The following CACNA1E variants were observed in gnomAD, a reference collection of about 807,000 sequenced individuals.
CACNA1E encodes voltage-dependent R-type calcium channel subunit alpha-1E.
In CACNA1E, 40 loss-of-function variants were observed where a neutral mutation model predicts 259.2. The ratio of observed to expected loss-of-function variants is 0.15; its 90% CI spans 0.12 to 0.20. CACNA1E has a LOEUF of 0.20. Ranked by LOEUF, CACNA1E falls within the 10% of genes least tolerant of loss-of-function variation. The pLI is 1.00. For missense variants in CACNA1E, 1,874 were observed against 3,040.1 expected (o/e 0.62, Z 9.02); for synonymous variants, 1,104 against 1,138.5 (o/e 0.97, Z 0.61).
intron 1 of CACNA1E, among the ~76,000 whole-genome samples, chr1:181,387,468 G>A (rs930036691): frequency 2.0e-5 from 3 of 152,160 alleles, no homozygotes; most frequent in Middle Eastern, 3.2e-3. Flanking sequence ...AATGGATTTG[G>A]GGGTAATAGA....
rs1182206565 is a variant in CACNA1E, at chr1:181,678,942, T to C, written c.1055+27501T>C. Among the ~76,000 whole-genome samples the C allele has an allele frequency of 2.0e-5, 3 of 152,238 alleles. No individual in the cohort carries two copies. In the East Asian group the frequency reaches 5.8e-4, roughly 29 times the overall value. On this transcript the variant is annotated intron_variant, in intron 7 of 47. Coordinates refer to ENST00000367573, the MANE Select transcript of CACNA1E (RefSeq NM_001205293.3). ...CCTGTGAAACATGAATTTTCTATTATTCATTTTTATCTTTGAGTTAAGGCT... is the reference window on the plus strand; with the variant it reads ...CCTGTGAAACATGAATTTTCTATTACTCATTTTTATCTTTGAGTTAAGGCT...
At chr1:181,641,714 T>G (rs74996754) in intron 6 of CACNA1E, among the ~76,000 whole-genome samples, 4 of 73,748 alleles carry the variant, frequency 5.4e-5, no homozygotes, top group Admixed American at 1.7e-4. Flanking sequence ...TTTTTTTTTT[T>G]TTTTTTTTTT....
At chr1:181,587,517 A>G (rs1278578642) in intron 6 of CACNA1E, among the ~76,000 whole-genome samples, 1 of 152,222 alleles carries the variant, frequency 6.6e-6, no homozygotes, top group Non-Finnish European at 1.5e-5. Flanking sequence ...TTTGAGCTGG[A>G]TAAAGAGCAA....
chr1:181,567,092 G>C (rs1649915258), intron 3 of CACNA1E, among the ~76,000 whole-genome samples: 1 of 152,270 alleles, frequency 6.6e-6, no homozygotes, highest in East Asian at 1.9e-4. Context: ...TCTTTTGGTG[G>C]AGAAGGAGAA....
intron 3 of CACNA1E, among the ~76,000 whole-genome samples, chr1:181,576,707 G>A (rs904397644): frequency 2.6e-5 from 4 of 152,206 alleles, no homozygotes; most frequent in African/African-American, 9.7e-5. Context: ...GATTATGGGT[G>A]AGAAACTTCC....
chr1:181,331,618 A>T (rs1651269182), intron 1 of CACNA1E, among the ~76,000 whole-genome samples: 1 of 152,186 alleles, frequency 6.6e-6, no homozygotes, highest in African/African-American at 2.4e-5. Flanking sequence ...CTTTGGAAAC[A>T]CCGTTAAGAC....
intron 3 of CACNA1E, among the ~76,000 whole-genome samples, chr1:181,537,328 A>C (rs1572138502): frequency 6.6e-6 from 1 of 151,472 alleles, no homozygotes; most frequent in African/African-American, 2.4e-5. Flanking sequence ...TGAACTCCTA[A>C]CCTCAGGCGA....
At chr1:181,556,483 C>T (rs575375983) in intron 3 of CACNA1E, among the ~76,000 whole-genome samples, 6 of 152,158 alleles carry the variant, frequency 3.9e-5, no homozygotes, top group Non-Finnish European at 5.9e-5. Flanking sequence ...GAGAGGGGCC[C>T]CTGTGGGAGG....
intron 8 of CACNA1E, among the ~76,000 whole-genome samples, chr1:181,714,733 T>C (rs1296457101): frequency 6.6e-6 from 1 of 152,208 alleles, no homozygotes; most frequent in Non-Finnish European, 1.5e-5. Context: ...AAATTCATGA[T>C]TGGCCCAAGC....
At chr1:181,669,745 C>A (rs1348603144) in intron 7 of CACNA1E, among the ~76,000 whole-genome samples, 8 of 152,154 alleles carry the variant, frequency 5.3e-5, no homozygotes, top group African/African-American at 1.7e-4. Context: ...AGAAATTTTC[C>A]TGAGATTTTG....
chr1:181,468,876 T>C (rs75066614), intron 2 of CACNA1E, among the ~76,000 whole-genome samples: 1,588 of 152,228 alleles, frequency 0.01, 23 homozygotes, highest in African/African-American at 0.034. Context: ...TCCTGCTTCA[T>C]TGGAGCAGTA....
intron 32 of CACNA1E, among the ~76,000 whole-genome samples, chr1:181,760,129 T>C (rs898520259): frequency 4.6e-5 from 7 of 152,066 alleles, no homozygotes; most frequent in African/African-American, 1.7e-4. Context: ...CTATGCATGT[T>C]GATTACTTGT....
chr1:181,347,626 C>T lies in CACNA1E; in HGVS notation c.-15+29503C>T, dbSNP rs77281804. On this transcript the variant is annotated intron_variant, in intron 1 of 11. Coordinates refer to the CACNA1E transcript ENST00000524607. The stretch of plus-strand genomic sequence containing the variant: ...ACCCACTCCTCCTCCACCAGTGACT[C>T]GGGGTTTGTTGTGACTCAGGCCTTT... Among the ~76,000 whole-genome samples the T allele has an allele frequency of 5.7e-3, 870 of 152,286 alleles. 27 individuals are homozygous for T. The East Asian group carries it at 0.1, about 18-fold the overall frequency.
At chr1:181,528,149 G>GC (rs1423674097) in intron 3 of CACNA1E, among the ~76,000 whole-genome samples, 6 of 150,884 alleles carry the variant, frequency 4.0e-5, no homozygotes, top group Non-Finnish European at 8.8e-5. Flanking sequence ...GCCCGGGGTG[G>GC]GGGGGGCAGT....
At chr1:181,332,891 G>A (rs1651398608) in intron 1 of CACNA1E, among the ~76,000 whole-genome samples, 1 of 152,106 alleles carries the variant, frequency 6.6e-6, no homozygotes, top group Non-Finnish European at 1.5e-5. Context: ...TAGCCTGGGT[G>A]GATCACCCTC....
chr1:181,668,456 G>T lies in CACNA1E; in HGVS notation c.1055+17015G>T, dbSNP rs1278965993. On this transcript the variant is annotated intron_variant, in intron 7 of 47. Transcript: ENST00000367573. ...AGTAAGGCTGCTATGAAGAACATTT[G>T]TGTACAGGTTTTTGTGTGAACATAA... 9.9e-5 allele frequency among the ~76,000 whole-genome samples: 15 copies of T among 152,128 alleles called. 1 individual carries two copies. The highest frequency in any genetic ancestry group is 9.8e-4 in the Admixed American group (15 of 15,274).
chr1:181,718,178 G>C lies in CACNA1E; in HGVS notation c.1638+11G>C, dbSNP rs776822286. On this transcript the variant is annotated intron_variant, in intron 12 of 47. Coordinates refer to ENST00000367573, the MANE Select transcript of CACNA1E (RefSeq NM_001205293.3). ...TGCTTTGATTTTGGGGTAAGTCCTC[G>C]GAAGCCTGCCTCTGCTCCTGCTTCG... 1 of 1,419,180 alleles carries C rather than the reference G, an allele frequency of 7.0e-7. No individual in the cohort carries two copies. The highest frequency in any genetic ancestry group is 9.9e-7 in the Non-Finnish European group (1 of 1,006,122). 87.9% of individuals were successfully genotyped at this position (1,419,180 alleles called of 1,614,324 possible).
chr1:181,453,910 C>G (rs1290058089), intron 2 of CACNA1E, among the ~76,000 whole-genome samples: 1 of 152,216 alleles, frequency 6.6e-6, no homozygotes, highest in Non-Finnish European at 1.5e-5. Context: ...AGATCCACAG[C>G]AGGGAGAACA....
At chr1:181,728,543 C>T (rs1444746139) in intron 18 of CACNA1E, among the ~76,000 whole-genome samples, 1 of 150,802 alleles carries the variant, frequency 6.6e-6, no homozygotes, top group African/African-American at 2.4e-5. Flanking sequence ...CAGGTATGTA[C>T]CCTGCACAGA....
Sources: gnomAD v4.1 joint callset for allele counts (sites outside exome capture counted in the v4.1 genomes callset) on GRCh38, gnomAD v4.1.1 for gene constraint, MANE v1.5 for transcripts, NCBI Gene and HGNC (gene_info 2026-07-23, HGNC 2026-07-21) for gene names.